FLT1: variants seen among roughly 807,000 people sequenced by gnomAD.
The protein encoded by FLT1 is vascular endothelial growth factor receptor 1.
A neutral mutation model predicts 156.3 loss-of-function variants in FLT1; 49 were observed. The ratio of observed to expected loss-of-function variants is 0.31; its 90% confidence interval spans 0.25 to 0.40. The LOEUF is 0.40. Ranked by LOEUF, FLT1 falls within the 10% of genes least tolerant of loss-of-function variation. FLT1 has a pLI of 1.00. For missense variants in FLT1, 1,322 were observed against 1,637.2 expected, an observed-to-expected ratio of 0.81 and a Z score of 3.32; for synonymous variants, 594 against 583.8, an observed-to-expected ratio of 1.02 and a Z score of -0.25.
At chr13:28,380,099 A>C (rs1162076083) in intron 14 of FLT1, among the ~76,000 whole-genome samples, 1 of 152,180 alleles carries the variant, frequency 6.6e-6, no homozygotes, top group Non-Finnish European at 1.5e-5. Context: ...TCAAGTATCT[A>C]AAGGACACAC....
At position 28,301,424 on chromosome 13, in the gene FLT1, A is replaced by T. The variant is rs544678123; in HGVS notation, c.*1743T>A. 1 of 233,222 alleles carries T rather than the reference A, an allele frequency of 4.3e-6. No homozygotes were observed. Among genetic ancestry groups the T allele is most frequent in the African/African-American group, 2.2e-5 (1 of 45,478 alleles). 14.4% of individuals were successfully genotyped at this position (233,222 alleles called of 1,614,324 possible). ...TCCACAAAAGCCGCTGCCAGGAGCC[A>T]GTAGGCTCACTAGGGAATGTGCTGA... On this transcript the variant is annotated 3_prime_UTR_variant, in exon 30 of 30. Coordinates refer to ENST00000282397, the MANE Select transcript of FLT1 (RefSeq NM_002019.4).
chr13:28,396,798 G>A (rs147129937), intron 12 of FLT1, 162 bp downstream of exon 12: 524 of 702,544 alleles, frequency 7.5e-4, no homozygotes, highest in African/African-American at 7.2e-3. Flanking sequence ...ATCCGATGAG[G>A]TAGAATTCTA....
intron 14 of FLT1, among the ~76,000 whole-genome samples, chr13:28,367,235 ACT>A (rs1250151154): frequency 3.9e-5 from 6 of 152,092 alleles, no homozygotes; most frequent in Admixed American, 3.3e-4. Flanking sequence ...TAGAATGCAA[ACT>A]CTGGTGGTTT....
At chr13:28,399,647 C>A (rs1247372695) in intron 11 of FLT1, among the ~76,000 whole-genome samples, 1 of 152,138 alleles carries the variant, frequency 6.6e-6, no homozygotes, top group Non-Finnish European at 1.5e-5. Context: ...GAGAATAAAA[C>A]TGAGGTGCCC....
intron 10 of FLT1, among the ~76,000 whole-genome samples, chr13:28,421,150 G>A (rs866322747): frequency 6.6e-6 from 1 of 152,028 alleles, no homozygotes; most frequent in Non-Finnish European, 1.5e-5. Flanking sequence ...TGAGAATGGC[G>A]GGAAACATTA....
chr13:28,413,189 G>A (rs1307391305), intron 10 of FLT1, among the ~76,000 whole-genome samples: 1 of 152,250 alleles, frequency 6.6e-6, no homozygotes, highest in African/African-American at 2.4e-5. Flanking sequence ...AGCGTCCTGG[G>A]CCACCTCTGT....
At position 28,344,792 on chromosome 13, in the gene FLT1, CTTT is replaced by C. The variant is rs869199622; in HGVS notation, c.2355+650_2355+652del. On this transcript the variant is annotated intron_variant, in intron 16 of 29. Transcript: ENST00000282397. The stretch of plus-strand genomic sequence containing the variant: ...AGAGAAGTCAAAGGTGGGGCCTTTA[CTTT>C]TTTTTTTTTTTTTTTTTTTTTTTTT... Among the ~76,000 whole-genome samples the C allele has an allele frequency of 7.2e-3, 296 of 41,272 alleles. 2 individuals are homozygous for C. Among genetic ancestry groups the C allele is most frequent in the African/African-American group, 0.026 (276 of 10,458 alleles). The allele number at this position is 41,272 out of a possible 152,430, so 27.1% of individuals were successfully genotyped here. A position where few individuals can be genotyped will look rare whatever the true frequency, so the allele number is the denominator to read the frequency against.
chr13:28,388,762 G>A, intron 13 of FLT1: 1 of 1,059,370 alleles, frequency 9.4e-7, no homozygotes, highest in Non-Finnish European at 1.1e-6. Context: ...TAAATCTCTG[G>A]TTACAATAGC....
chr13:28,483,298 T>C (rs928494356), intron 1 of FLT1, among the ~76,000 whole-genome samples: 1 of 152,226 alleles, frequency 6.6e-6, no homozygotes, highest in Non-Finnish European at 1.5e-5. Context: ...TGCCTCCCCA[T>C]CTGTTTACAT....
chr13:28,384,859 A>T (rs773265553), intron 14 of FLT1, 26 bp downstream of exon 14: 1 of 1,609,958 alleles, frequency 6.2e-7, no homozygotes, highest in Non-Finnish European at 8.5e-7. Context: ...GAGAAATAAT[A>T]AATGGAAGAA....
chr13:28,407,972 G>A (rs184870425), intron 10 of FLT1, among the ~76,000 whole-genome samples: 4 of 152,160 alleles, frequency 2.6e-5, no homozygotes, highest in Middle Eastern at 3.4e-3. Context: ...TCACACACTC[G>A]TATTACAGGT....
intron 14 of FLT1, among the ~76,000 whole-genome samples, chr13:28,370,382 G>T (rs1184279541): frequency 2.0e-5 from 3 of 151,904 alleles, no homozygotes; most frequent in Admixed American, 6.6e-5. Context: ...CGAGTTAATG[G>T]GTGCAGCACA....
chr13:28,341,274 T>C (rs545351663), intron 16 of FLT1, among the ~76,000 whole-genome samples: 1 of 152,280 alleles, frequency 6.6e-6, no homozygotes, highest in East Asian at 1.9e-4. Flanking sequence ...GATAGTAAAA[T>C]GTTAGTTGGC....
intron 1 of FLT1, among the ~76,000 whole-genome samples, chr13:28,472,766 G>A (rs866499674): frequency 5.3e-5 from 8 of 152,146 alleles, no homozygotes; most frequent in Non-Finnish European, 8.8e-5. Flanking sequence ...TTAAGCCTCC[G>A]ATTCTTCATC....
Position 28,302,447 on chromosome 13 carries a change from A to C in FLT1, c.*720T>G, listed in dbSNP as rs1870552562. ...CCACTTCCATAGGTAAAGTTCTAAA[A>C]TTTGCTTTAGTTCCAAAAAAGATAT... On this transcript the variant is annotated 3_prime_UTR_variant, in exon 30 of 30. Coordinates refer to ENST00000282397, the MANE Select transcript of FLT1 (RefSeq NM_002019.4). 4.3e-6 allele frequency: 1 copy of C among 233,244 alleles called. No individual in the cohort carries two copies. The highest frequency in any genetic ancestry group is 2.2e-5 in the African/African-American group (1 of 45,426). 14.4% of individuals were successfully genotyped at this position (233,244 alleles called of 1,614,324 possible). A position where few individuals can be genotyped will look rare whatever the true frequency, so the allele number is the denominator to read the frequency against.
Position 28,337,445 on chromosome 13 carries a change from T to C in FLT1, c.2488+1723A>G, listed in dbSNP as rs553973143. Among the ~76,000 whole-genome samples the C allele has an allele frequency of 2.0e-5, 3 of 152,378 alleles. No homozygotes were observed. The South Asian group carries it at 6.2e-4, about 32-fold the overall frequency. On this transcript the variant is annotated intron_variant, in intron 17 of 29. Coordinates refer to ENST00000282397, the MANE Select transcript of FLT1 (RefSeq NM_002019.4). ...CTAGACATTACTTCAAATTACTTTGTCATTTATTTGGCTTAAGAAATAAAC... is the reference window on the plus strand; with the variant it reads ...CTAGACATTACTTCAAATTACTTTGCCATTTATTTGGCTTAAGAAATAAAC...
At chr13:28,443,659 A>G (rs1020681182) in intron 3 of FLT1, among the ~76,000 whole-genome samples, 44 of 152,248 alleles carry the variant, frequency 2.9e-4, no homozygotes, top group Admixed American at 2.9e-3. Context: ...AGGATAAAAA[A>G]TGAATTAACC....
chr13:28,385,403 A>T, intron 13 of FLT1: 1 of 641,380 alleles, frequency 1.6e-6, no homozygotes. Flanking sequence ...ATAGTCTTGT[A>T]ATGATTTTTA....
At chr13:28,415,918 AC>A (rs1876620397) in intron 10 of FLT1, among the ~76,000 whole-genome samples, 1 of 152,186 alleles carries the variant, frequency 6.6e-6, no homozygotes, top group Non-Finnish European at 1.5e-5. Context: ...GAGAACATTA[AC>A]CTAATAGCAT....
Sources: gnomAD v4.1 joint callset for allele counts (sites outside exome capture counted in the v4.1 genomes callset) on GRCh38, gnomAD v4.1.1 for gene constraint, MANE v1.5 for transcripts, NCBI Gene and HGNC (gene_info 2026-07-23, HGNC 2026-07-21) for gene names.